ABRAXAS1: variants seen among roughly 807,000 people sequenced by gnomAD.
ABRAXAS1 encodes BRCA1-A complex subunit Abraxas 1.
In ABRAXAS1, 26 loss-of-function variants were observed where a neutral mutation model predicts 38.4. That is an observed-to-expected ratio of 0.68 (90% CI 0.50 to 0.94). The LOEUF is 0.94. ABRAXAS1 is among the 40% of genes least tolerant of loss of function. ABRAXAS1 has a pLI of 0.00. For synonymous variants in ABRAXAS1, 144 were observed against 165.5 expected, an observed-to-expected ratio of 0.87 and a Z score of 1.00; for missense variants, 438 against 481.9, an observed-to-expected ratio of 0.91 and a Z score of 0.85.
chr4:83,471,189 ATCTTTTTTTTTTTTTTTTTTTT>A (rs1404185442), intron 4 of ABRAXAS1, among the ~76,000 whole-genome samples: 1 of 124,104 alleles, frequency 8.1e-6, no homozygotes, highest in Non-Finnish European at 1.7e-5. Flanking sequence ...TGAAAGAAAC[ATCTTTTTTTTTTTTTTTTTTTT>A]TTTTTTTTTT....
chr4:83,482,252 G>C lies in ABRAXAS1; in HGVS notation c.88-8C>G. On this transcript the variant is annotated splice_polypyrimidine_tract_variant and splice_region_variant and intron_variant, in intron 1 of 8. Transcript: ENST00000321945. ...CCCAAGAAGAAAACCTTCCTATGAA[G>C]ATAAAGAGGCAATATATAGAATACA... is the stretch of plus-strand genomic sequence containing the variant. The C allele has an allele frequency of 6.4e-7, 1 of 1,560,196 alleles. No individual in the cohort carries two copies. The highest frequency in any genetic ancestry group is 8.8e-7 in the Non-Finnish European group (1 of 1,135,768).
chr4:83,465,697 A>T (rs915521311), intron 7 of ABRAXAS1, among the ~76,000 whole-genome samples: 2 of 152,282 alleles, frequency 1.3e-5, no homozygotes, highest in South Asian at 4.1e-4. Context: ...CTGAAAGAGG[A>T]GGATCACTTG....
chr4:83,471,191 C>CTTTTTTTTTTTT (rs869128932), intron 4 of ABRAXAS1, among the ~76,000 whole-genome samples: 17 of 58,204 alleles, frequency 2.9e-4, no homozygotes, highest in Non-Finnish European at 3.8e-4. Flanking sequence ...AAAGAAACAT[C>CTTTTTTTTTTTT]TTTTTTTTTT....
At chr4:83,468,950 T>C in intron 6 of ABRAXAS1, 82 bp downstream of exon 6, 1 of 1,513,638 alleles carries the variant, frequency 6.6e-7, no homozygotes, top group South Asian at 1.2e-5. Context: ...CCCTTGAATT[T>C]TTATTCTGCT....
rs1253441762 is a variant in ABRAXAS1, at chr4:83,461,269, C to T, written c.*1200G>A. ...GTATGATGCCAATACTGACTCAAAC[C>T]AACCTTTGGATAGAAAAGTGTTTGA... On this transcript the variant is annotated 3_prime_UTR_variant, in exon 9 of 9. Coordinates refer to ENST00000321945, the MANE Select transcript of ABRAXAS1 (RefSeq NM_139076.3). The T allele has an allele frequency of 1.5e-6, 2 of 1,311,224 alleles. No homozygotes were observed. The highest frequency in any genetic ancestry group is 2.9e-5 in the African/African-American group (2 of 68,826). 81.2% of individuals were successfully genotyped at this position (1,311,224 alleles called of 1,614,324 possible).
chr4:83,476,053 T>C (rs1284250895), intron 3 of ABRAXAS1, among the ~76,000 whole-genome samples: 1 of 152,118 alleles, frequency 6.6e-6, no homozygotes, highest in African/African-American at 2.4e-5. Context: ...ATATAAAAAT[T>C]AGCTGGGTGT....
chr4:83,478,641 A>C (rs988565351), intron 2 of ABRAXAS1, among the ~76,000 whole-genome samples: 1 of 152,166 alleles, frequency 6.6e-6, no homozygotes, highest in Non-Finnish European at 1.5e-5. Flanking sequence ...TAACATTGAG[A>C]CTCTAGCCCC....
intron 3 of ABRAXAS1, among the ~76,000 whole-genome samples, chr4:83,475,364 C>G (rs1191510604): frequency 6.6e-6 from 1 of 152,196 alleles, no homozygotes; most frequent in Non-Finnish European, 1.5e-5. Flanking sequence ...TTAGTTCTCA[C>G]CTTAACCATA....
At chr4:83,476,176 T>C (rs1007980133) in intron 3 of ABRAXAS1, among the ~76,000 whole-genome samples, 2 of 152,132 alleles carry the variant, frequency 1.3e-5, no homozygotes, top group African/African-American at 4.8e-5. Context: ...CACTCCAGCC[T>C]GAGTGACAGA....
At chr4:83,467,391 C>A (rs2110037237) in intron 7 of ABRAXAS1, 63 bp downstream of exon 7, 2 of 920,960 alleles carry the variant, frequency 2.2e-6, no homozygotes, top group South Asian at 1.4e-5. Flanking sequence ...TAAAAAATGT[C>A]AGTCATTAAC....
At chr4:83,464,516 TA>T (rs748924538) in intron 7 of ABRAXAS1, among the ~76,000 whole-genome samples, 1 of 152,140 alleles carries the variant, frequency 6.6e-6, no homozygotes, top group Non-Finnish European at 1.5e-5. Context: ...AACTAATTAG[TA>T]AAAAAAGCAA....
chr4:83,462,823 T>C lies in ABRAXAS1; in HGVS notation c.876A>G (p.Glu292=). 6.2e-7 allele frequency: 1 copy of C among 1,611,268 alleles called. No individual in the cohort carries two copies. Among genetic ancestry groups the C allele is most frequent in the Non-Finnish European group, 8.5e-7 (1 of 1,179,292 alleles). ...AAGACATAACACATGAATGAAGAAA[T>C]TCAGAATTTGGAAAAAAGGTCCGTA... ...QALRTFFPNS[E]FLHSCVMSLK... The change falls in exon 9 of 9, where the codon GAA becomes GAG. Residue 292 remains glutamate (E), a synonymous_variant. Transcript: ENST00000321945.
In ABRAXAS1 at chr4:83,462,109, T is replaced by C; in HGVS notation, c.*360A>G. 1 of 245,938 alleles carries C rather than the reference T, an allele frequency of 4.1e-6. No homozygotes were observed. The highest frequency in any genetic ancestry group is 7.9e-6 in the Non-Finnish European group (1 of 127,350). 15.2% of individuals were successfully genotyped at this position (245,938 alleles called of 1,614,324 possible). ...GGTCTCAATACGTTGCCCAGGCTGG[T>C]CTCTAACTCCTAACTTCAATCAATC... On this transcript the variant is annotated 3_prime_UTR_variant, in exon 9 of 9. Transcript: ENST00000321945.
At chr4:83,477,177 G>C (rs1722808121) in intron 2 of ABRAXAS1, among the ~76,000 whole-genome samples, 1 of 152,068 alleles carries the variant, frequency 6.6e-6, no homozygotes, top group African/African-American at 2.4e-5. Context: ...AAAATAACTG[G>C]AGCAAATACC....
At chr4:83,470,046 A>G (rs1385323502) in intron 5 of ABRAXAS1, 157 bp downstream of exon 5, 1 of 513,122 alleles carries the variant, frequency 1.9e-6, no homozygotes, top group Non-Finnish European at 3.4e-6. Context: ...TTATTTTCCC[A>G]CCTATAAATT....
intron 2 of ABRAXAS1, among the ~76,000 whole-genome samples, chr4:83,481,530 T>A (rs1173834941): frequency 6.6e-6 from 1 of 152,156 alleles, no homozygotes; most frequent in Non-Finnish European, 1.5e-5. Context: ...TTCCAACTTT[T>A]CTGCAGCATT....
intron 7 of ABRAXAS1, 167 bp downstream of exon 7, chr4:83,467,287 A>G: frequency 1.9e-6 from 1 of 526,358 alleles, no homozygotes; most frequent in African/African-American, 2.0e-5. Flanking sequence ...TTGCACAATG[A>G]TAAAACTGCC....
At chr4:83,480,705 T>C (rs1471526101) in intron 2 of ABRAXAS1, among the ~76,000 whole-genome samples, 1 of 152,150 alleles carries the variant, frequency 6.6e-6, no homozygotes, top group African/African-American at 2.4e-5. Context: ...ACGCCAAATA[T>C]TGATATACAA....
At chr4:83,470,452 C>T (rs1355400847) in intron 4 of ABRAXAS1, 56 bp from the exon 5 acceptor site, 6 of 1,224,060 alleles carry the variant, frequency 4.9e-6, no homozygotes, top group Non-Finnish European at 6.7e-6. Context: ...ATATGTCTTA[C>T]TATTATAATT....
Sources: gnomAD v4.1 joint callset for allele counts (sites outside exome capture counted in the v4.1 genomes callset) on GRCh38, gnomAD v4.1.1 for gene constraint, MANE v1.5 for transcripts, NCBI Gene and HGNC (gene_info 2026-07-23, HGNC 2026-07-21) for gene names.